Variants in FAM107B observed in about 807,000 individuals in gnomAD.
FAM107B encodes family with sequence similarity 107 member B.
Under a neutral mutation model 31.5 loss-of-function variants are expected in FAM107B, and 21 were observed. That is an observed-to-expected ratio of 0.67 (90% confidence interval 0.47 to 0.96). The LOEUF (loss-of-function observed/expected upper bound fraction) is 0.96, where lower values mean the gene tolerates loss of function less well. Among genes scored for constraint, FAM107B ranks in the 40% least tolerant of loss-of-function variants. The probability of loss-of-function intolerance (pLI) is 0.00; values close to 1 mark genes in which losing one functional copy is unlikely to be tolerated. For synonymous variants in FAM107B, 157 were observed against 141.5 expected (o/e 1.11, Z -0.78); for missense variants, 452 against 377.1 (o/e 1.20, Z -1.64).
rs140722189 is a variant in FAM107B, at chr10:14,617,677, G to A, written c.469+49957C>T. Reference sequence around the variant, plus strand: ...CAAGCTGTCCTGGTAGGGAAGAAAGGACACTGCTGCATCTAGGAAGGTGCT... The same window carrying A: ...CAAGCTGTCCTGGTAGGGAAGAAAGAACACTGCTGCATCTAGGAAGGTGCT... On this transcript the variant is annotated intron_variant, in intron 2 of 4. Transcript: ENST00000181796. Among the ~76,000 whole-genome samples the A allele has an allele frequency of 3.3e-3, 490 of 150,588 alleles. 2 individuals carry two copies. The highest frequency in any genetic ancestry group is 5.3e-3 in the Non-Finnish European group (357 of 67,878).
chr10:14,530,544 T>C, intron 2 of FAM107B, 29 bp from the exon 3 acceptor site: 1 of 1,605,214 alleles, frequency 6.2e-7, no homozygotes, highest in Non-Finnish European at 8.5e-7. Context: ...AAACACTCAT[T>C]TGCAGTTTTT....
In FAM107B at chr10:14,772,362, A is replaced by ATATAT. The variant is rs1554759099; in HGVS notation, c.411+1890_411+1891insATATA. ...GAGCAAGACTCCATCTTAAAAAAAA[A>ATATAT]ATATATATATATATATATGCACCTC... On this transcript the variant is annotated intron_variant, in intron 1 of 4. Transcript: ENST00000181796. Among the ~76,000 whole-genome samples the ATATAT allele has an allele frequency of 2.8e-3, 412 of 145,612 alleles. 2 individuals carry two copies. Among genetic ancestry groups the ATATAT allele is most frequent in the African/African-American group, 9.8e-3 (375 of 38,340 alleles).
intron 1 of FAM107B, among the ~76,000 whole-genome samples, chr10:14,722,226 C>T (rs1467230854): frequency 6.6e-6 from 1 of 152,178 alleles, no homozygotes; most frequent in Admixed American, 6.5e-5. Flanking sequence ...CTAATAAATA[C>T]TATTCGATTT....
chr10:14,675,404 A>G (rs1854658767), intron 1 of FAM107B, among the ~76,000 whole-genome samples: 1 of 152,076 alleles, frequency 6.6e-6, no homozygotes, highest in African/African-American at 2.4e-5. Context: ...CTGTGGGTAG[A>G]TGCTTATTTG....
intron 2 of FAM107B, among the ~76,000 whole-genome samples, chr10:14,634,582 G>A (rs1853449040): frequency 6.6e-6 from 1 of 151,442 alleles, no homozygotes; most frequent in African/African-American, 2.4e-5. Context: ...GAAAACAGCT[G>A]CCAGCTTAAA....
chr10:14,719,599 C>T (rs974111507), intron 1 of FAM107B, among the ~76,000 whole-genome samples: 4 of 152,206 alleles, frequency 2.6e-5, no homozygotes, highest in South Asian at 2.1e-4. Context: ...TGCTCCCTTG[C>T]GTACGGCCTT....
Position 14,562,820 on chromosome 10 carries a change from C to T in FAM107B, c.470-32305G>A, listed in dbSNP as rs149137020. 1.8e-3 allele frequency among the ~76,000 whole-genome samples: 272 copies of T among 152,314 alleles called. 7 individuals are homozygous for T. In the East Asian group the frequency reaches 0.047, roughly 26 times the overall value. On this transcript the variant is annotated intron_variant, in intron 2 of 4. Transcript: ENST00000181796. ...AGCTCAGACACAATAACTCAGAAGT[C>T]GATTGCATGCTAATTTCCATGTTAT...
rs751962040 is a variant in FAM107B, at chr10:14,774,460, G to A, written c.204C>T (p.Ser68=). The change falls in exon 1 of 5, where the codon AGC becomes AGT. Residue 68 remains serine (S), a synonymous_variant. Coordinates refer to ENST00000181796, the MANE Select transcript of FAM107B (RefSeq NM_031453.4). ...AKAGRQPRHP[S]AEGAPEKRQD... Reference sequence around the variant, plus strand: ...GCCTTTTCTCTGGAGCTCCTTCTGCGCTTGGGTGTCTTGGCTGTCTGCCTG... The same window carrying A: ...GCCTTTTCTCTGGAGCTCCTTCTGCACTTGGGTGTCTTGGCTGTCTGCCTG... 7.5e-5 allele frequency: 121 copies of A among 1,614,014 alleles called. No homozygotes were observed. The highest frequency in any genetic ancestry group is 9.7e-5 in the Non-Finnish European group (114 of 1,180,038).
At chr10:14,654,438 T>C (rs144013168) in intron 2 of FAM107B, among the ~76,000 whole-genome samples, 99 of 152,326 alleles carry the variant, frequency 6.5e-4, no homozygotes, top group African/African-American at 2.2e-3. Flanking sequence ...CCATAATTCA[T>C]TGGAGAAAGG....
chr10:14,649,203 G>A (rs548559912), intron 2 of FAM107B, among the ~76,000 whole-genome samples: 2 of 152,280 alleles, frequency 1.3e-5, no homozygotes, highest in African/African-American at 2.4e-5. Flanking sequence ...CCATAAGACT[G>A]ACAAAACAGA....
chr10:14,752,788 C>T (rs1443740989), intron 1 of FAM107B, among the ~76,000 whole-genome samples: 2 of 151,984 alleles, frequency 1.3e-5, no homozygotes, highest in South Asian at 2.1e-4. Context: ...AAAAATTAGC[C>T]GGGTGTGGTG....
intron 1 of FAM107B, among the ~76,000 whole-genome samples, chr10:14,750,647 G>C (rs1382706672): frequency 6.6e-6 from 1 of 152,058 alleles, no homozygotes; most frequent in Non-Finnish European, 1.5e-5. Flanking sequence ...GCTATCAAAG[G>C]CAACACCGTT....
intron 2 of FAM107B, among the ~76,000 whole-genome samples, chr10:14,633,194 CAAA>C (rs60159128): frequency 5.7e-5 from 7 of 123,728 alleles, no homozygotes; most frequent in Admixed American, 1.7e-4. Context: ...GACTCTGTCT[CAAA>C]AAAAAAAAAA....
intron 1 of FAM107B, among the ~76,000 whole-genome samples, chr10:14,748,697 C>T (rs1832772490): frequency 6.6e-6 from 1 of 152,222 alleles, no homozygotes; most frequent in Non-Finnish European, 1.5e-5. Context: ...GAGCGGTCAC[C>T]AGGCTGGGTC....
At chr10:14,687,866 C>G (rs1482324310) in intron 1 of FAM107B, among the ~76,000 whole-genome samples, 1 of 152,186 alleles carries the variant, frequency 6.6e-6, no homozygotes. Context: ...CACACAAAAA[C>G]AGTCATGTAC....
chr10:14,654,700 C>T lies in FAM107B; in HGVS notation c.469+12934G>A, dbSNP rs568631053. Among the ~76,000 whole-genome samples the T allele has an allele frequency of 5.4e-4, 82 of 152,290 alleles. 1 individual carries two copies. In the South Asian group the frequency reaches 0.016, roughly 29 times the overall value. On this transcript the variant is annotated intron_variant, in intron 2 of 4. Coordinates refer to ENST00000181796, the MANE Select transcript of FAM107B (RefSeq NM_031453.4). ...ATTTTATGATTTAAGTCCATTCTTACGCTCAAATAAGCATGTTCAAGTTGA... is the reference window on the plus strand; with the variant it reads ...ATTTTATGATTTAAGTCCATTCTTATGCTCAAATAAGCATGTTCAAGTTGA...
Position 14,717,308 on chromosome 10 carries a change from C to T in FAM107B, c.412-49617G>A, listed in dbSNP as rs374876110. Among the ~76,000 whole-genome samples the T allele has an allele frequency of 2.1e-4, 32 of 152,144 alleles. No homozygotes were observed. The East Asian group carries it at 3.3e-3, about 16-fold the overall frequency. On this transcript the variant is annotated intron_variant, in intron 1 of 4. Coordinates refer to ENST00000181796, the MANE Select transcript of FAM107B (RefSeq NM_031453.4). ...TCTAGAGGGACAGAACCAATCAGAT[C>T]GGTGTGTGTGTAAAAGGGAGTGTAC... is the stretch of plus-strand genomic sequence containing the variant.
chr10:14,749,422 T>C (rs906348663), intron 1 of FAM107B, among the ~76,000 whole-genome samples: 5 of 152,210 alleles, frequency 3.3e-5, no homozygotes, highest in African/African-American at 1.2e-4. Context: ...AATCTGGCAG[T>C]GCCTTGTTCC....
intron 2 of FAM107B, among the ~76,000 whole-genome samples, chr10:14,555,382 A>G (rs1411753144): frequency 6.6e-6 from 1 of 152,226 alleles, no homozygotes; most frequent in Non-Finnish European, 1.5e-5. Flanking sequence ...AGACTTACAA[A>G]GACATCTATT....
Sources: gnomAD v4.1 joint callset for allele counts (sites outside exome capture counted in the v4.1 genomes callset) on GRCh38, gnomAD v4.1.1 for gene constraint, MANE v1.5 for transcripts, NCBI Gene and HGNC (gene_info 2026-07-23, HGNC 2026-07-21) for gene names.